EPB41L5: variants seen among roughly 807,000 people sequenced by gnomAD.
EPB41L5 encodes the protein band 4.1-like protein 5.
EPB41L5 carries 55 observed loss-of-function variants against 106.6 expected under a neutral mutation model. That is an observed-to-expected ratio of 0.52 (90% CI 0.42 to 0.65). EPB41L5 has a LOEUF of 0.65. Ranked by LOEUF, EPB41L5 falls within the 30% of genes least tolerant of loss-of-function variation. The pLI is 0.00. For missense variants in EPB41L5, 871 were observed against 882.1 expected, an observed-to-expected ratio of 0.99 and a Z score of 0.16; for synonymous variants, 297 against 306.7, an observed-to-expected ratio of 0.97 and a Z score of 0.33.
intron 16 of EPB41L5, chr2:120,108,466 G>GC (rs1684577344): frequency 1.3e-5 from 2 of 152,030 alleles, no homozygotes. Flanking sequence ...AATAAAGCTC[G>GC]CATCTACAGA....
intron 10 of EPB41L5, among the ~76,000 whole-genome samples, chr2:120,081,754 T>C (rs1375666558): frequency 2.6e-5 from 4 of 152,356 alleles, no homozygotes; most frequent in East Asian, 1.9e-4. Context: ...TGGAATGTTC[T>C]TCCATTTGTT....
chr2:120,138,397 GA>G (rs1420298399), intron 18 of EPB41L5, among the ~76,000 whole-genome samples: 1 of 151,828 alleles, frequency 6.6e-6, no homozygotes, highest in African/African-American at 2.4e-5. Flanking sequence ...TGGAAAGGAA[GA>G]ATTCAAATTA....
At chr2:120,015,956 TG>T (rs1677493198) in intron 1 of EPB41L5, among the ~76,000 whole-genome samples, 1 of 151,824 alleles carries the variant, frequency 6.6e-6, no homozygotes, top group South Asian at 2.1e-4. Context: ...TATTGTATGC[TG>T]TTGTGTGTAC....
intron 20 of EPB41L5, among the ~76,000 whole-genome samples, chr2:120,157,634 T>A (rs1415265217): frequency 6.6e-6 from 1 of 151,718 alleles, no homozygotes; most frequent in Admixed American, 6.6e-5. Flanking sequence ...CTGGGCGGGG[T>A]GGCGCATGCC....
rs766790029 is a variant in EPB41L5 at position 120,127,741 on chromosome 2, T to C, written c.1391T>C (p.Ile464Thr). ...LNSPDLLEAT[I>T]GDVIGASDTM... Reference sequence around the variant, plus strand: ...AGCCCAGACTTATTGGAAGCAACGATTGGTGATGTAATTGGGGCATCTGAC... The same window carrying C: ...AGCCCAGACTTATTGGAAGCAACGACTGGTGATGTAATTGGGGCATCTGAC... Residue 464 changes from isoleucine to threonine, a missense_variant, in exon 17 of 25, where the codon ATT becomes ACT. Coordinates refer to ENST00000263713, the MANE Select transcript of EPB41L5 (RefSeq NM_020909.4). 3 of 1,613,708 alleles carry C rather than the reference T, an allele frequency of 1.9e-6. No homozygotes were observed. The highest frequency in any genetic ancestry group is 1.7e-4 in the Middle Eastern group (1 of 6,060).
At chr2:120,131,803 C>A in intron 18 of EPB41L5, 88 bp downstream of exon 18, 2 of 974,030 alleles carry the variant, frequency 2.1e-6, no homozygotes, top group Non-Finnish European at 3.2e-6. Context: ...TTTCTTTTTT[C>A]TTTAGCTGGG....
At chr2:120,101,312 T>A (rs2105399283) in intron 16 of EPB41L5, among the ~76,000 whole-genome samples, 1 of 152,290 alleles carries the variant, frequency 6.6e-6, no homozygotes, top group East Asian at 1.9e-4. Context: ...TGAGAGAGAA[T>A]CTGATGACAG....
At chr2:120,123,516 A>T (rs1356278490) in intron 16 of EPB41L5, among the ~76,000 whole-genome samples, 1 of 152,166 alleles carries the variant, frequency 6.6e-6, no homozygotes, top group Admixed American at 6.5e-5. Context: ...TATAAGAACC[A>T]TCTTACTTGT....
chr2:120,102,714 T>C (rs188149590), intron 16 of EPB41L5, among the ~76,000 whole-genome samples: 4 of 152,330 alleles, frequency 2.6e-5, no homozygotes, highest in Admixed American at 2.6e-4. Flanking sequence ...TGTTCAAGTC[T>C]TCAGCATTTT....
Position 120,149,301 on chromosome 2 carries a change from A to C in EPB41L5, c.1793+3012A>C, listed in dbSNP as rs553011654. 3.3e-5 allele frequency among the ~76,000 whole-genome samples: 5 copies of C among 152,322 alleles called. No individual in the cohort carries two copies. In the East Asian group the frequency reaches 9.6e-4, roughly 29 times the overall value. ...TTAGTACATTCTGTATTTAGTACATACAACCACCATCAGTAACAAATTTCA... is the reference window on the plus strand; with the variant it reads ...TTAGTACATTCTGTATTTAGTACATCCAACCACCATCAGTAACAAATTTCA... On this transcript the variant is annotated intron_variant, in intron 20 of 24. Coordinates refer to ENST00000263713, the MANE Select transcript of EPB41L5 (RefSeq NM_020909.4).
chr2:120,100,752 T>C lies in EPB41L5; in HGVS notation c.1275T>C (p.Pro425=), dbSNP rs1392643312. ...LPVSPSISSA[P]VPVEIENLPQ... ...TGAGTCCTTCCATTTCCTCTGCTCC[T>C]GTGCCAGTGGAGATAGAGAATCTTC... The change falls in exon 16 of 25, where the codon CCT becomes CCC. Residue 425 remains proline (P), a synonymous_variant. Transcript: ENST00000263713. 1 of 1,613,668 alleles carries C rather than the reference T, an allele frequency of 6.2e-7. No individual in the cohort carries two copies. Among genetic ancestry groups the C allele is most frequent in the Non-Finnish European group, 8.5e-7 (1 of 1,179,830 alleles).
At chr2:120,150,588 T>A (rs916394287) in intron 20 of EPB41L5, among the ~76,000 whole-genome samples, 1 of 152,112 alleles carries the variant, frequency 6.6e-6, no homozygotes, top group African/African-American at 2.4e-5. Context: ...GCAATCCTCT[T>A]ACCTTGGCCC....
chr2:120,143,987 G>A (rs190297603), intron 19 of EPB41L5, among the ~76,000 whole-genome samples: 2 of 152,230 alleles, frequency 1.3e-5, no homozygotes, highest in Admixed American at 6.5e-5. Context: ...GGTTGTAAAG[G>A]TGAAATAAGA....
chr2:120,105,185 A>G (rs1684377518), intron 16 of EPB41L5: 24 of 981,218 alleles, frequency 2.4e-5, no homozygotes, highest in Non-Finnish European at 2.8e-5. Flanking sequence ...CCTTGGTTTA[A>G]TTAATAGAAG....
At chr2:120,140,540 G>A (rs954928379) in intron 18 of EPB41L5, among the ~76,000 whole-genome samples, 1 of 152,008 alleles carries the variant, frequency 6.6e-6, no homozygotes, top group Non-Finnish European at 1.5e-5. Context: ...GTCAACTTGA[G>A]TAGAAGTTGA....
intron 2 of EPB41L5, among the ~76,000 whole-genome samples, chr2:120,029,906 C>T (rs968609382): frequency 1.3e-5 from 2 of 152,182 alleles, no homozygotes; most frequent in Admixed American, 1.3e-4. Flanking sequence ...CCACGATGCC[C>T]GTCAGCAGGA....
intron 2 of EPB41L5, among the ~76,000 whole-genome samples, chr2:120,035,843 T>G (rs1021289544): frequency 6.6e-6 from 1 of 152,180 alleles, no homozygotes; most frequent in Admixed American, 6.5e-5. Flanking sequence ...TAATAAGGGC[T>G]TCTAGTGTCC....
rs371022284 is a variant in EPB41L5 at position 120,021,420 on chromosome 2, G to A, written c.180+2156G>A. Among the ~76,000 whole-genome samples, 528 of 152,138 alleles carry A rather than the reference G, an allele frequency of 3.5e-3. 2 individuals carry two copies. Among genetic ancestry groups the A allele is most frequent in the African/African-American group, 0.012 (488 of 41,518 alleles). On this transcript the variant is annotated intron_variant, in intron 2 of 24. Coordinates refer to ENST00000263713, the MANE Select transcript of EPB41L5 (RefSeq NM_020909.4). ...AGCACTTTGGGAGGCCGAGGTGGGC[G>A]GATCACAAGGTCAGGAGTTTGAGAC...
chr2:120,098,919 A>G (rs1030777537), intron 14 of EPB41L5, among the ~76,000 whole-genome samples: 1 of 152,234 alleles, frequency 6.6e-6, no homozygotes, highest in African/African-American at 2.4e-5. Flanking sequence ...TCTTAGTAGA[A>G]TGACATGTTG....
Sources: gnomAD v4.1 joint callset for allele counts (sites outside exome capture counted in the v4.1 genomes callset) on GRCh38, gnomAD v4.1.1 for gene constraint, MANE v1.5 for transcripts, NCBI Gene and HGNC (gene_info 2026-07-23, HGNC 2026-07-21) for gene names.